Variants in MTUS1 observed in about 807,000 individuals in gnomAD.
MTUS1 encodes the protein microtubule-associated tumor suppressor 1.
MTUS1 carries 109 observed loss-of-function variants against 120.8 expected under a neutral mutation model. That is an observed-to-expected ratio of 0.90 (90% confidence interval 0.77 to 1.06). The LOEUF is 1.06. Among genes scored for constraint, MTUS1 ranks in the 50% least tolerant of loss-of-function variants. MTUS1 has a pLI of 0.00. For synonymous variants in MTUS1, 737 were observed against 550.5 expected (o/e 1.34, Z -4.74); for missense variants, 2,210 against 1,486.3 (o/e 1.49, Z -8.01).
intron 6 of MTUS1, chr8:17,697,160 A>C (rs1818131329): frequency 6.9e-7 from 1 of 1,439,946 alleles, no homozygotes. Context: ...TTTTTCCTCC[A>C]ATTATCTGTC....
intron 7 of MTUS1, among the ~76,000 whole-genome samples, chr8:17,682,454 G>A (rs1814750539): frequency 6.8e-6 from 1 of 147,896 alleles, no homozygotes; most frequent in Non-Finnish European, 1.5e-5. Flanking sequence ...GGAGGTGGAG[G>A]TTGCAGTGAG....
At chr8:17,652,962 C>T (rs949082335) in intron 12 of MTUS1, among the ~76,000 whole-genome samples, 7 of 151,996 alleles carry the variant, frequency 4.6e-5, no homozygotes, top group Admixed American at 3.3e-4. Context: ...TTAGCTTAGA[C>T]CACCAGAAAC....
Position 17,649,978 on chromosome 8 carries a change from C to A in MTUS1, c.3385-16G>T. ...GAGGATTTTTCTGGAAAGGACACAG[C>A]AAGATACTGCTCTTATTCCACATAG... On this transcript the variant is annotated splice_polypyrimidine_tract_variant and intron_variant, in intron 12 of 14. Coordinates refer to ENST00000693296, the MANE Select transcript of MTUS1 (RefSeq NM_001363059.2). 8.2e-7 allele frequency: 1 copy of A among 1,219,084 alleles called. No individual in the cohort carries two copies. Among genetic ancestry groups the A allele is most frequent in the Admixed American group, 1.7e-5 (1 of 59,448 alleles). The allele number at this position is 1,219,084 out of a possible 1,614,324, so 75.5% of individuals were successfully genotyped here. A position where few individuals can be genotyped will look rare whatever the true frequency, so the allele number is the denominator to read the frequency against.
intron 6 of MTUS1, chr8:17,705,659 G>A (rs1207048678): frequency 6.6e-6 from 1 of 152,202 alleles, no homozygotes; most frequent in African/African-American, 2.4e-5. Flanking sequence ...AGAAACCCTG[G>A]CAGCCTCGGC....
In MTUS1 at chr8:17,657,364, C is replaced by G. The variant is rs577022601; in HGVS notation, c.2906-1299G>C. Among the ~76,000 whole-genome samples the G allele has an allele frequency of 2.9e-4, 44 of 151,438 alleles. No homozygotes were observed. In the East Asian group the frequency reaches 5.7e-3, roughly 20 times the overall value. ...CGGGCGGATCACGAGGTCAGGAGATCGAGACCATCCCGGCTAAAACGGTGA... is the reference window on the plus strand; with the variant it reads ...CGGGCGGATCACGAGGTCAGGAGATGGAGACCATCCCGGCTAAAACGGTGA... On this transcript the variant is annotated intron_variant, in intron 8 of 14. Transcript: ENST00000693296.
intron 3 of MTUS1, among the ~76,000 whole-genome samples, chr8:17,732,896 C>T (rs2046684440): frequency 6.6e-6 from 1 of 152,130 alleles, no homozygotes; most frequent in African/African-American, 2.4e-5. Flanking sequence ...TCCGAGAAAA[C>T]ATAACCTCCT....
Position 17,755,466 on chromosome 8 carries a change from G to C in MTUS1, c.342C>G (p.Pro114=). 6.2e-7 allele frequency: 1 copy of C among 1,614,154 alleles called. No homozygotes were observed. Among genetic ancestry groups the C allele is most frequent in the Non-Finnish European group, 8.5e-7 (1 of 1,180,026 alleles). The part of the protein sequence containing the change: ...QCPALVGTEK[P]KYLQHSCHSL... Reference sequence around the variant, plus strand: ...AATGACAACTGTGTTGCAGATATTTGGGCTTCTCAGTACCTACAAGTGCAG... The same window carrying C: ...AATGACAACTGTGTTGCAGATATTTCGGCTTCTCAGTACCTACAAGTGCAG... The change falls in exon 2 of 15, where the codon CCC becomes CCG. Residue 114 remains proline, a synonymous_variant. Coordinates refer to ENST00000693296, the MANE Select transcript of MTUS1 (RefSeq NM_001363059.2).
At chr8:17,769,911 CACACACACACACACA>C (rs1397618941) in intron 1 of MTUS1, among the ~76,000 whole-genome samples, 25 of 120,978 alleles carry the variant, frequency 2.1e-4, no homozygotes, top group African/African-American at 7.3e-4. Context: ...CACACACACA[CACACACACACACACA>C]CGGGGGGGGT....
chr8:17,711,006 C>A (rs953525409), intron 6 of MTUS1, among the ~76,000 whole-genome samples: 1 of 152,194 alleles, frequency 6.6e-6, no homozygotes, highest in Non-Finnish European at 1.5e-5. Context: ...TAGGTCTTAA[C>A]AATGGGCTTA....
intron 1 of MTUS1, among the ~76,000 whole-genome samples, chr8:17,797,293 G>C (rs1317979309): frequency 6.6e-6 from 1 of 151,446 alleles, no homozygotes; most frequent in African/African-American, 2.4e-5. Flanking sequence ...CATGACTGTA[G>C]TCCCAGATAC....
intron 6 of MTUS1, among the ~76,000 whole-genome samples, 173 bp from the exon 7 acceptor site, chr8:17,684,715 T>C (rs1173707838): frequency 6.6e-6 from 1 of 152,214 alleles, no homozygotes; most frequent in Non-Finnish European, 1.5e-5. Context: ...ACGGTTGGAA[T>C]TCATGAACAG....
chr8:17,737,954 T>C (rs540486838), intron 3 of MTUS1, among the ~76,000 whole-genome samples: 42 of 152,160 alleles, frequency 2.8e-4, no homozygotes, highest in Non-Finnish European at 5.3e-4. Context: ...GATTTGAAAT[T>C]ACCTTAACAC....
At chr8:17,679,920 G>C (rs1233224205) in intron 7 of MTUS1, among the ~76,000 whole-genome samples, 1 of 152,100 alleles carries the variant, frequency 6.6e-6, no homozygotes, top group African/African-American at 2.4e-5. Flanking sequence ...CCTACATCTG[G>C]AATTCCATCC....
In MTUS1 at chr8:17,645,995, G is replaced by C; in HGVS notation, c.3744C>G (p.Ser1248=). Residue 1248 remains serine, a synonymous_variant, in exon 15 of 15, where the codon TCC becomes TCG. Transcript: ENST00000693296. The stretch of plus-strand genomic sequence containing the variant: ...TTGGTGACTGCAAAGGGATGGCGGA[G>C]GATGTGGGGGATCTCTTGGGGCTAC... ...DLCSPKRSPT[S]SAIPLQSPRN... 6.2e-7 allele frequency: 1 copy of C among 1,613,694 alleles called. No homozygotes were observed. The highest frequency in any genetic ancestry group is 1.1e-5 in the South Asian group (1 of 90,996).
intron 5 of MTUS1, 152 bp downstream of exon 5, chr8:17,715,615 C>T (rs905025767): frequency 2.7e-5 from 22 of 817,082 alleles, no homozygotes; most frequent in Non-Finnish European, 3.7e-6. Context: ...AAACAATTTC[C>T]TCAGTGCAAA....
intron 6 of MTUS1, among the ~76,000 whole-genome samples, chr8:17,692,463 C>T (rs1005150078): frequency 6.6e-6 from 1 of 152,172 alleles, no homozygotes. Flanking sequence ...TGCTTTTCTT[C>T]AGGTGAGACA....
chr8:17,676,574 G>A (rs1813166107), intron 7 of MTUS1: 1 of 550,568 alleles, frequency 1.8e-6, no homozygotes, highest in East Asian at 2.9e-5. Flanking sequence ...TAAAGCCACA[G>A]CCTTTCATTT....
At chr8:17,751,879 A>G (rs2048223143) in intron 2 of MTUS1, among the ~76,000 whole-genome samples, 1 of 147,134 alleles carries the variant, frequency 6.8e-6, no homozygotes. Context: ...AAAAAAAAAA[A>G]AAAAAAAGAA....
chr8:17,701,834 C>T (rs946814861), intron 6 of MTUS1, among the ~76,000 whole-genome samples: 1 of 152,152 alleles, frequency 6.6e-6, no homozygotes, highest in African/African-American at 2.4e-5. Flanking sequence ...CAAGCGTGAG[C>T]CACCGCACCC....
Sources: gnomAD v4.1 joint callset for allele counts (sites outside exome capture counted in the v4.1 genomes callset) on GRCh38, gnomAD v4.1.1 for gene constraint, MANE v1.5 for transcripts, NCBI Gene and HGNC (gene_info 2026-07-23, HGNC 2026-07-21) for gene names.